CDKL1: variants seen among roughly 807,000 people sequenced by gnomAD.
The protein encoded by CDKL1 is cyclin dependent kinase like 1.
A neutral mutation model predicts 42.0 loss-of-function variants in CDKL1; 41 were observed. That is an observed-to-expected ratio of 0.98 (90% CI 0.76 to 1.27). CDKL1 has a LOEUF of 1.27. CDKL1 is among the 50% of genes most tolerant of loss of function. CDKL1 has a pLI of 0.00. For missense variants in CDKL1, 394 were observed against 428.4 expected, an observed-to-expected ratio of 0.92 and a Z score of 0.71; for synonymous variants, 153 against 158.6, an observed-to-expected ratio of 0.96 and a Z score of 0.26.
intron 2 of CDKL1, among the ~76,000 whole-genome samples, chr14:50,388,221 A>C (rs556021091): frequency 2.6e-5 from 4 of 152,340 alleles, no homozygotes; most frequent in African/African-American, 9.6e-5. Context: ...ACACTCCTTC[A>C]ACTAATATTT....
chr14:50,395,491 C>A (rs1453437596), intron 2 of CDKL1, among the ~76,000 whole-genome samples: 5 of 152,104 alleles, frequency 3.3e-5, no homozygotes, highest in African/African-American at 7.2e-5. Context: ...TTCTTTCATC[C>A]CTAAAAATTC....
At chr14:50,385,260 A>G (rs2035043125) in intron 2 of CDKL1, among the ~76,000 whole-genome samples, 1 of 152,164 alleles carries the variant, frequency 6.6e-6, no homozygotes, top group African/African-American at 2.4e-5. Flanking sequence ...GATAGTACCA[A>G]TTAGGGGACA....
chr14:50,382,533 T>G (rs1336207093), intron 2 of CDKL1, among the ~76,000 whole-genome samples: 1 of 150,870 alleles, frequency 6.6e-6, no homozygotes, highest in Non-Finnish European at 1.5e-5. Flanking sequence ...TCATTCTGTA[T>G]AAAAATTACT....
intron 3 of CDKL1, among the ~76,000 whole-genome samples, chr14:50,353,346 A>T (rs1315537347): frequency 1.3e-5 from 2 of 152,212 alleles, no homozygotes; most frequent in Non-Finnish European, 2.9e-5. Flanking sequence ...AATAACATGT[A>T]TCCCTTTCCA....
Position 50,386,078 on chromosome 14 carries a change from T to C in CDKL1, c.168+9623A>G, listed in dbSNP as rs1000193871. ...TATGCTAAATATTTAGGTAGATGGC[T>C]CAGCCAAAAAAGTATGTGTGAGAGA... On this transcript the variant is annotated intron_variant, in intron 2 of 9. Coordinates refer to ENST00000395834, the MANE Select transcript of CDKL1 (RefSeq NM_004196.7). Among the ~76,000 whole-genome samples, 5 of 151,708 alleles carry C rather than the reference T, an allele frequency of 3.3e-5. 1 individual carries two copies. Among genetic ancestry groups the C allele is most frequent in the African/African-American group, 4.9e-5 (2 of 41,226 alleles).
At chr14:50,347,275 T>C (rs750507698) in intron 3 of CDKL1, among the ~76,000 whole-genome samples, 3 of 152,078 alleles carry the variant, frequency 2.0e-5, no homozygotes, top group Non-Finnish European at 2.9e-5. Context: ...TTTTTCACTG[T>C]TGGAGAAGGG....
At chr14:50,373,893 T>C (rs1378621421) in intron 2 of CDKL1, among the ~76,000 whole-genome samples, 4 of 152,208 alleles carry the variant, frequency 2.6e-5, no homozygotes, top group Admixed American at 2.6e-4. Flanking sequence ...TAAACATATC[T>C]ATACCATATG....
chr14:50,326,578 C>T lies in CDKL1; in HGVS notation c.*3496G>A. The T allele has an allele frequency of 1.0e-6, 1 of 985,424 alleles. No homozygotes were observed. Among genetic ancestry groups the T allele is most frequent in the African/African-American group, 1.7e-5 (1 of 57,346 alleles). The allele number at this position is 985,424 out of a possible 1,614,324, so 61.0% of individuals were successfully genotyped here. A position where few individuals can be genotyped will look rare whatever the true frequency, so the allele number is the denominator to read the frequency against. ...GTGTTCTTGATAGCATACAGACTTACTCAGAATCAACAGTTGCTGCTTAAT... is the reference window on the plus strand; with the variant it reads ...GTGTTCTTGATAGCATACAGACTTATTCAGAATCAACAGTTGCTGCTTAAT... On this transcript the variant is annotated 3_prime_UTR_variant, in exon 10 of 10. Coordinates refer to ENST00000395834, the MANE Select transcript of CDKL1 (RefSeq NM_004196.7).
At position 50,357,651 on chromosome 14, in the gene CDKL1, C is replaced by T. The variant is rs146088789; in HGVS notation, c.290+1377G>A. ...ATCTCCCAGGACCTGCTAATCATTCCGTCCTCTTTCTCTAGCAACAGTAAT... is the reference window on the plus strand; with the variant it reads ...ATCTCCCAGGACCTGCTAATCATTCTGTCCTCTTTCTCTAGCAACAGTAAT... On this transcript the variant is annotated intron_variant, in intron 3 of 9. Coordinates refer to ENST00000395834, the MANE Select transcript of CDKL1 (RefSeq NM_004196.7). Among the ~76,000 whole-genome samples the T allele has an allele frequency of 2.9e-3, 435 of 152,256 alleles. 2 individuals are homozygous for T. In the Middle Eastern group the frequency reaches 0.048, roughly 17 times the overall value.
intron 2 of CDKL1, chr14:50,390,236 G>C: frequency 7.3e-7 from 1 of 1,365,212 alleles, no homozygotes; most frequent in Non-Finnish European, 9.8e-7. Context: ...TTCAGCCCTT[G>C]ACCAATGCTG....
chr14:50,376,771 C>G (rs1216972329), intron 2 of CDKL1, among the ~76,000 whole-genome samples: 3 of 152,134 alleles, frequency 2.0e-5, no homozygotes, highest in Admixed American at 6.5e-5. Flanking sequence ...CTGGACACTA[C>G]TGTAAGATCT....
At chr14:50,361,301 A>T (rs1411886831) in intron 2 of CDKL1, among the ~76,000 whole-genome samples, 2 of 152,194 alleles carry the variant, frequency 1.3e-5, no homozygotes, top group African/African-American at 4.8e-5. Context: ...TTTCTCTGTA[A>T]AATCCCTCTG....
At chr14:50,388,496 G>A (rs2035152855) in intron 2 of CDKL1, among the ~76,000 whole-genome samples, 1 of 152,206 alleles carries the variant, frequency 6.6e-6, no homozygotes, top group African/African-American at 2.4e-5. Context: ...TGTGTGAAGA[G>A]CTTTTGCCTC....
chr14:50,369,421 A>T (rs1174282933), intron 2 of CDKL1, among the ~76,000 whole-genome samples: 1 of 152,078 alleles, frequency 6.6e-6, no homozygotes, highest in East Asian at 1.9e-4. Context: ...TTCTTATACT[A>T]GAGTTAAAAG....
chr14:50,355,389 G>A (rs2034026622), intron 3 of CDKL1, among the ~76,000 whole-genome samples: 2 of 152,180 alleles, frequency 1.3e-5, no homozygotes, highest in South Asian at 4.1e-4. Context: ...CACACTGATT[G>A]CCAAATTGCC....
intron 5 of CDKL1, among the ~76,000 whole-genome samples, 190 bp from the exon 6 acceptor site, chr14:50,341,422 C>T (rs1413245618): frequency 1.4e-5 from 2 of 142,194 alleles, no homozygotes; most frequent in Non-Finnish European, 3.0e-5. Context: ...AGCCACACTC[C>T]AGTCCAATTA....
At chr14:50,343,177 G>GTTTTTATTTT (rs1566580369) in intron 4 of CDKL1, 1 of 400,760 alleles carries the variant, frequency 2.5e-6, no homozygotes. Context: ...TTTTTTTTGA[G>GTTTTTATTTT]TTGGGTCAAA....
At chr14:50,378,274 C>A (rs755160560) in intron 2 of CDKL1, 5 of 1,366,380 alleles carry the variant, frequency 3.7e-6, no homozygotes, top group Non-Finnish European at 4.9e-6. Flanking sequence ...CTAGGGCCCA[C>A]GGACCTATAA....
chr14:50,387,190 G>A (rs2035108536), intron 2 of CDKL1, among the ~76,000 whole-genome samples: 1 of 115,882 alleles, frequency 8.6e-6, no homozygotes, highest in Non-Finnish European at 1.7e-5. Context: ...CTGGGCAACA[G>A]ACTGAGACCC....
Sources: allele counts gnomAD v4.1 joint callset (sites outside exome capture counted in the v4.1 genomes callset), GRCh38; gene constraint gnomAD v4.1.1; transcripts MANE v1.5; gene names NCBI Gene and HGNC (gene_info 2026-07-23, HGNC 2026-07-21).